Variants in FOCAD observed in about 807,000 individuals in gnomAD.
FOCAD encodes KIAA1797.
In FOCAD, 198 loss-of-function variants were observed where a neutral mutation model predicts 225.6. The observed-to-expected ratio is 0.88, with a 90% confidence interval of 0.78 to 0.99. The LOEUF (loss-of-function observed/expected upper bound fraction) is 0.99, where lower values mean the gene tolerates loss of function less well. Ranked by LOEUF, FOCAD falls within the 50% of genes least tolerant of loss-of-function variation. FOCAD has a pLI of 0.00. For missense variants in FOCAD, 2,713 were observed against 2,123.6 expected (o/e 1.28, Z -5.46); for synonymous variants, 897 against 755.0 (o/e 1.19, Z -3.08).
intron 8 of FOCAD, among the ~76,000 whole-genome samples, chr9:20,776,257 T>G (rs1818741948): frequency 6.6e-6 from 1 of 152,202 alleles, no homozygotes; most frequent in African/African-American, 2.4e-5. Flanking sequence ...TTTAACTTCC[T>G]TGTACTTCTA....
chr9:20,938,204 A>G (rs1836202363), intron 28 of FOCAD, among the ~76,000 whole-genome samples: 1 of 152,204 alleles, frequency 6.6e-6, no homozygotes, highest in Non-Finnish European at 1.5e-5. Context: ...TAGAAATACC[A>G]TTTGACCCAG....
intron 36 of FOCAD, 87 bp from the exon 37 acceptor site, chr9:20,978,252 C>G: frequency 1.3e-6 from 1 of 760,684 alleles, no homozygotes; most frequent in Non-Finnish European, 2.1e-6. Context: ...GTCACATAAG[C>G]AGATGCTTTG....
chr9:20,714,088 G>T (rs1825104952), intron 1 of FOCAD, among the ~76,000 whole-genome samples: 1 of 152,146 alleles, frequency 6.6e-6, no homozygotes, highest in Admixed American at 6.6e-5. Flanking sequence ...AGTACAGATT[G>T]AGTATTCTTT....
intron 2 of FOCAD, among the ~76,000 whole-genome samples, chr9:20,663,408 T>A (rs1395054031): frequency 6.6e-6 from 1 of 151,932 alleles, no homozygotes; most frequent in African/African-American, 2.4e-5. Context: ...AGAGGCACTC[T>A]TTTCCTTAAC....
rs189001775 is a variant in FOCAD at position 20,876,793 on chromosome 9, G to T, written c.2317+1986G>T. On this transcript the variant is annotated intron_variant, in intron 19 of 43. Coordinates refer to ENST00000338382, the MANE Select transcript of FOCAD (RefSeq NM_001375567.1). ...ATACCCTAAAATGCACAGGATGAAT[G>T]ATATATATTAGTCACCAAATGCTAC... Among the ~76,000 whole-genome samples, 7 of 152,236 alleles carry T rather than the reference G, an allele frequency of 4.6e-5. No homozygotes were observed. The East Asian group carries it at 1.4e-3, about 29-fold the overall frequency.
intron 18 of FOCAD, chr9:20,873,917 T>G (rs1234082181): frequency 1.3e-5 from 2 of 152,176 alleles, no homozygotes; most frequent in African/African-American, 4.8e-5. Context: ...CCCCTAATGC[T>G]TAATTATCTC....
intron 2 of FOCAD, chr9:20,716,268 C>A (rs1018425666): frequency 2.1e-5 from 7 of 333,498 alleles, no homozygotes; most frequent in Non-Finnish European, 3.6e-5. Context: ...TTTTTCTGTG[C>A]CTGGAGTCTC....
intron 10 of FOCAD, among the ~76,000 whole-genome samples, chr9:20,785,607 GCTGA>G (rs1230614768): frequency 1.3e-5 from 2 of 152,110 alleles, no homozygotes; most frequent in Non-Finnish European, 2.9e-5. Context: ...TTCTCTTAGA[GCTGA>G]CTAATATTCC....
intron 10 of FOCAD, among the ~76,000 whole-genome samples, chr9:20,784,149 T>C (rs1587147880): frequency 6.6e-6 from 1 of 152,062 alleles, no homozygotes. Context: ...CTAGAACTGG[T>C]CCACAGGAAA....
intron 11 of FOCAD, among the ~76,000 whole-genome samples, chr9:20,803,806 G>T (rs1390434708): frequency 1.3e-5 from 2 of 152,136 alleles, no homozygotes; most frequent in African/African-American, 4.8e-5. Flanking sequence ...CAGTGTTGAA[G>T]GAGTGCTGAC....
intron 1 of FOCAD, among the ~76,000 whole-genome samples, chr9:20,699,904 GAA>G (rs1003053897): frequency 2.7e-4 from 40 of 145,544 alleles, no homozygotes; most frequent in Non-Finnish European, 5.4e-4. Flanking sequence ...AACTTTATCT[GAA>G]AGACATCCTA....
chr9:20,929,335 TTTC>T lies in FOCAD; in HGVS notation c.3079-20_3079-18del. 1 of 1,597,704 alleles carries T rather than the reference TTTC, an allele frequency of 6.3e-7. No individual in the cohort carries two copies. The highest frequency in any genetic ancestry group is 8.6e-7 in the Non-Finnish European group (1 of 1,165,592). Reference sequence around the variant, plus strand: ...CCTTCATGTTTAAGGCTAACCCTGTTTTCTTTCTTTGGCATGTCCTAGAAGTCC... The same window carrying T: ...CCTTCATGTTTAAGGCTAACCCTGTTTTTCTTTGGCATGTCCTAGAAGTCC... On this transcript the variant is annotated intron_variant, in intron 26 of 43. Coordinates refer to ENST00000338382, the MANE Select transcript of FOCAD (RefSeq NM_001375567.1).
At chr9:20,905,137 T>C (rs1232872593) in intron 21 of FOCAD, among the ~76,000 whole-genome samples, 1 of 151,964 alleles carries the variant, frequency 6.6e-6, no homozygotes, top group Non-Finnish European at 1.5e-5. Flanking sequence ...CATAGAACAC[T>C]AAGTCTAGGG....
At chr9:20,901,700 C>T (rs948330063) in intron 21 of FOCAD, among the ~76,000 whole-genome samples, 5 of 151,688 alleles carry the variant, frequency 3.3e-5, no homozygotes, top group Admixed American at 6.6e-5. Flanking sequence ...CCTACAATTG[C>T]GAATTATGTT....
intron 4 of FOCAD, among the ~76,000 whole-genome samples, chr9:20,737,659 A>G (rs1005055843): frequency 1.3e-5 from 2 of 152,242 alleles, no homozygotes; most frequent in Non-Finnish European, 2.9e-5. Flanking sequence ...TAGACTCCCT[A>G]TGATAGGCTT....
intron 21 of FOCAD, among the ~76,000 whole-genome samples, chr9:20,900,444 TAATA>T (rs1342459618): frequency 3.3e-5 from 5 of 151,984 alleles, no homozygotes; most frequent in Non-Finnish European, 5.9e-5. Flanking sequence ...TCTTTTTACC[TAATA>T]AATTAATTTT....
intron 16 of FOCAD, chr9:20,863,602 T>C (rs1425767993): frequency 6.6e-6 from 1 of 152,112 alleles, no homozygotes; most frequent in Non-Finnish European, 1.5e-5. Context: ...TTTTAGTTTA[T>C]TCTTACATGT....
chr9:20,697,978 A>G (rs957097169), intron 1 of FOCAD, among the ~76,000 whole-genome samples: 2 of 152,266 alleles, frequency 1.3e-5, no homozygotes, highest in Non-Finnish European at 2.9e-5. Flanking sequence ...TGACTTTCGC[A>G]TTAAATAGTT....
At chr9:20,919,284 A>G (rs1204348314) in intron 24 of FOCAD, among the ~76,000 whole-genome samples, 1 of 152,220 alleles carries the variant, frequency 6.6e-6, no homozygotes, top group Non-Finnish European at 1.5e-5. Context: ...TTCAAGGAGA[A>G]CTACGGACCA....
Sources: gnomAD v4.1 joint callset for allele counts (sites outside exome capture counted in the v4.1 genomes callset) on GRCh38, gnomAD v4.1.1 for gene constraint, MANE v1.5 for transcripts, NCBI Gene and HGNC (gene_info 2026-07-23, HGNC 2026-07-21) for gene names.